Variants in ONECUT1 observed in about 807,000 individuals in gnomAD.
ONECUT1 encodes the protein hepatocyte nuclear factor 6.
In ONECUT1, 12 loss-of-function variants were observed where a neutral mutation model predicts 25.6. The observed-to-expected ratio is 0.47, with a 90% CI of 0.30 to 0.76. ONECUT1 has a LOEUF of 0.76. Among genes scored for constraint, ONECUT1 ranks in the 30% least tolerant of loss-of-function variants. ONECUT1 has a pLI of 0.07. For synonymous variants in ONECUT1, 285 were observed against 270.2 expected, an observed-to-expected ratio of 1.05 and a Z score of -0.54; for missense variants, 620 against 651.2, an observed-to-expected ratio of 0.95 and a Z score of 0.52.
intron 1 of ONECUT1, among the ~76,000 whole-genome samples, chr15:52,758,373 T>C (rs1355101658): frequency 6.6e-6 from 1 of 152,212 alleles, no homozygotes; most frequent in Non-Finnish European, 1.5e-5. Context: ...TCTAAAAACA[T>C]AGTAGAAAGG....
chr15:52,759,554 A>C (rs1370415174), intron 1 of ONECUT1, among the ~76,000 whole-genome samples: 2 of 152,236 alleles, frequency 1.3e-5, no homozygotes, highest in Non-Finnish European at 1.5e-5. Context: ...AATCATATAC[A>C]TGTGTTAGTA....
At chr15:52,767,511 C>T (rs751046849) in intron 1 of ONECUT1, among the ~76,000 whole-genome samples, 1 of 152,198 alleles carries the variant, frequency 6.6e-6, no homozygotes, top group Non-Finnish European at 1.5e-5. Context: ...TTCCTGAGCA[C>T]AGCCTCATCA....
intron 1 of ONECUT1, among the ~76,000 whole-genome samples, chr15:52,769,017 T>TGA (rs2083750730): frequency 6.6e-6 from 1 of 152,228 alleles, no homozygotes; most frequent in Non-Finnish European, 1.5e-5. Flanking sequence ...TCAGAAGTCA[T>TGA]TCCTAGATAT....
intron 1 of ONECUT1, among the ~76,000 whole-genome samples, chr15:52,762,528 G>A (rs779265097): frequency 6.6e-6 from 1 of 152,184 alleles, no homozygotes; most frequent in Non-Finnish European, 1.5e-5. Context: ...CACTGTAGAC[G>A]TTACAATACC....
At chr15:52,782,765 T>C (rs2083849565) in intron 1 of ONECUT1, among the ~76,000 whole-genome samples, 1 of 152,200 alleles carries the variant, frequency 6.6e-6, no homozygotes, top group East Asian at 1.9e-4. Context: ...GAAAGGAAAC[T>C]AGTCATTTCT....
At position 52,755,465 on chromosome 15, in the gene ONECUT1, G is replaced by A. The variant is rs967952442; in HGVS notation, c.*2090C>T. On this transcript the variant is annotated 3_prime_UTR_variant, in exon 2 of 2. Coordinates refer to ENST00000305901, the MANE Select transcript of ONECUT1 (RefSeq NM_004498.4). The stretch of plus-strand genomic sequence containing the variant: ...AAAAACAAAAAACAAAACATGTCAA[G>A]GCAAATGAAGTATTTCATCAAAAGA... 6.6e-6 allele frequency among the ~76,000 whole-genome samples: 1 copy of A among 152,140 alleles called. No individual in the cohort carries two copies. Among genetic ancestry groups the A allele is most frequent in the African/African-American group, 2.4e-5 (1 of 41,426 alleles).
chr15:52,775,146 C>T lies in ONECUT1; in HGVS notation c.1105+13634G>A, dbSNP rs984440705. On this transcript the variant is annotated intron_variant, in intron 1 of 1. Transcript: ENST00000305901. ...CGGAGGTTGTAGTGAGCTGAGATTG[C>T]GCCACTGCACTCCAGCCTGGGTGAC... is the stretch of plus-strand genomic sequence containing the variant. 5.3e-5 allele frequency among the ~76,000 whole-genome samples: 8 copies of T among 149,578 alleles called. No individual in the cohort carries two copies. In the East Asian group the frequency reaches 7.8e-4, roughly 15 times the overall value.
chr15:52,771,649 A>C (rs2083768562), intron 1 of ONECUT1, among the ~76,000 whole-genome samples: 1 of 107,238 alleles, frequency 9.3e-6, no homozygotes. Context: ...ATAATCACTA[A>C]ATTTTTTTTT....
At chr15:52,786,780 G>A (rs1211103887) in intron 1 of ONECUT1, among the ~76,000 whole-genome samples, 1 of 151,862 alleles carries the variant, frequency 6.6e-6, no homozygotes, top group African/African-American at 2.4e-5. Context: ...CTTCCAGGGG[G>A]CGACAGCAGG....
At chr15:52,769,100 A>G (rs1835007007) in intron 1 of ONECUT1, among the ~76,000 whole-genome samples, 2 of 152,106 alleles carry the variant, frequency 1.3e-5, no homozygotes, top group Admixed American at 1.3e-4. Context: ...TCTCTTTTCC[A>G]TACAAAAAGA....
intron 1 of ONECUT1, among the ~76,000 whole-genome samples, chr15:52,765,950 T>A (rs1022448628): frequency 6.6e-6 from 1 of 152,140 alleles, no homozygotes; most frequent in African/African-American, 2.4e-5. Flanking sequence ...CCTGCACAGA[T>A]TGTCTGGAAA....
At chr15:52,780,667 G>A (rs139483232) in intron 1 of ONECUT1, 22 of 1,532,930 alleles carry the variant, frequency 1.4e-5, no homozygotes, top group Non-Finnish European at 1.8e-5. Context: ...CACTTCAGTC[G>A]CAGAATCTGC....
chr15:52,789,160 A>C lies in ONECUT1; in HGVS notation c.725T>G (p.Val242Gly), dbSNP rs200453709. 6.3e-7 allele frequency: 1 copy of C among 1,592,510 alleles called. No individual in the cohort carries two copies. Among genetic ancestry groups the C allele is most frequent in the Admixed American group, 1.7e-5 (1 of 59,554 alleles). ...GTGCGGAGGAAGGCCGTTGATGGGC[A>C]CCATGCCGGCCGAGGTGGGCGTGAG... ...QHLTPTSAGM[V>G]PINGLPPHHP... Residue 242 changes from valine (V) to glycine (G), a missense_variant, in exon 1 of 2, where the codon GTG becomes GGG. Physicochemically the swap from Val to Gly is moderately radical, Grantham distance 109 (BLOSUM62 -3). Coordinates refer to ENST00000305901, the MANE Select transcript of ONECUT1 (RefSeq NM_004498.4). This position sits in a 1 kb window ranked among gnomAD's most constrained non-coding sequence, Gnocchi z 4.1.
intron 1 of ONECUT1, among the ~76,000 whole-genome samples, chr15:52,772,951 G>A (rs1165755821): frequency 2.0e-5 from 3 of 152,168 alleles, no homozygotes; most frequent in African/African-American, 7.2e-5. Flanking sequence ...TGCTTATCAA[G>A]CTGTAACATG....
intron 1 of ONECUT1, among the ~76,000 whole-genome samples, chr15:52,780,179 C>CT (rs2083831530): frequency 6.6e-6 from 1 of 152,036 alleles, no homozygotes; most frequent in Non-Finnish European, 1.5e-5. Flanking sequence ...TGAGGCAGCC[C>CT]TTTTTTAATG....
intron 1 of ONECUT1, among the ~76,000 whole-genome samples, chr15:52,763,064 G>T (rs1348199879): frequency 1.3e-5 from 2 of 152,226 alleles, no homozygotes; most frequent in Non-Finnish European, 2.9e-5. Flanking sequence ...TTATGTGAAT[G>T]TAATATTTTT....
chr15:52,771,816 A>G (rs1475613025), intron 1 of ONECUT1, among the ~76,000 whole-genome samples: 3 of 152,208 alleles, frequency 2.0e-5, no homozygotes, highest in African/African-American at 7.2e-5. Context: ...TTGGAGAGCC[A>G]CTTGCTCCTA....
intron 1 of ONECUT1, among the ~76,000 whole-genome samples, chr15:52,783,577 A>G (rs1212662928): frequency 6.6e-6 from 1 of 152,154 alleles, no homozygotes; most frequent in African/African-American, 2.4e-5. Flanking sequence ...ACCCCACACA[A>G]GAGGAAACAA....
chr15:52,789,754 T>C lies in ONECUT1; in HGVS notation c.131A>G (p.His44Arg), dbSNP rs2083906816. The change falls in exon 1 of 2, where the codon CAC (histidine) becomes CGC (arginine). Residue 44 changes from histidine to arginine, a missense_variant. By Grantham distance (29) the His-to-Arg change is conservative. Transcript: ENST00000305901. This position sits in a 1 kb window ranked among gnomAD's most constrained non-coding sequence, Gnocchi z 4.1. ...GGAGCGCGGGTGCGCGGGGGGCAGG[T>C]GGCTGCCGCGGTGCGCCACGGAGCT... ...ARSSVAHRGS[H>R]LPPAHPRSMG... The C allele has an allele frequency of 6.4e-6, 9 of 1,406,688 alleles. No homozygotes were observed. The highest frequency in any genetic ancestry group is 1.5e-5 in the African/African-American group (1 of 66,458). The allele number at this position is 1,406,688 out of a possible 1,614,324, so 87.1% of individuals were successfully genotyped here. A position where few individuals can be genotyped will look rare whatever the true frequency, so the allele number is the denominator to read the frequency against.
Sources: allele counts gnomAD v4.1 joint callset (sites outside exome capture counted in the v4.1 genomes callset), GRCh38; gene constraint gnomAD v4.1.1; non-coding constraint Gnocchi (gnomAD v3.1); transcripts MANE v1.5; gene names NCBI Gene and HGNC (gene_info 2026-07-23, HGNC 2026-07-21).